ERP44: variants seen among roughly 807,000 people sequenced by gnomAD.
ERP44 encodes endoplasmic reticulum protein 44.
In ERP44, 25 loss-of-function variants were observed where a neutral mutation model predicts 53.4. The observed-to-expected ratio is 0.47, with a 90% CI of 0.34 to 0.65. ERP44 has a LOEUF of 0.65. ERP44 is among the 30% of genes least tolerant of loss of function. ERP44 has a pLI of 0.01. For synonymous variants in ERP44, 145 were observed against 161.2 expected (o/e 0.90, Z 0.76); for missense variants, 338 against 493.2 (o/e 0.69, Z 2.98).
intron 10 of ERP44, among the ~76,000 whole-genome samples, chr9:99,999,865 TG>T (rs1415569448): frequency 1.3e-5 from 2 of 152,190 alleles, no homozygotes; most frequent in African/African-American, 2.4e-5. Context: ...CGGGGCGAGA[TG>T]AGGGTCTAAT....
At chr9:100,046,999 C>G (rs1196259400) in intron 4 of ERP44, among the ~76,000 whole-genome samples, 1 of 152,182 alleles carries the variant, frequency 6.6e-6, no homozygotes, top group Non-Finnish European at 1.5e-5. Flanking sequence ...GATGCAATGA[C>G]AGTGAAGAAA....
intron 11 of ERP44, 93 bp from the exon 12 acceptor site, chr9:99,982,806 A>G (rs1345412822): frequency 1.7e-5 from 10 of 600,562 alleles, no homozygotes; most frequent in East Asian, 1.0e-4. Context: ...TAGTTCCCCT[A>G]TAATTATTTG....
intron 1 of ERP44, among the ~76,000 whole-genome samples, chr9:100,079,606 T>C (rs1353920502): frequency 1.3e-5 from 2 of 152,120 alleles, no homozygotes; most frequent in Non-Finnish European, 2.9e-5. Flanking sequence ...TATATTATAA[T>C]TTTTAATTTT....
chr9:99,982,207 G>C lies in ERP44; in HGVS notation c.*405C>G, dbSNP rs1216150486. Reference sequence around the variant, plus strand: ...GTATATCTCTTTAGCTTTGAGAAATGAGATACTGAAAATACCAACAGAATT... The same window carrying C: ...GTATATCTCTTTAGCTTTGAGAAATCAGATACTGAAAATACCAACAGAATT... On this transcript the variant is annotated 3_prime_UTR_variant, in exon 12 of 12. Transcript: ENST00000262455. 2 of 152,970 alleles carry C rather than the reference G, an allele frequency of 1.3e-5. No individual in the cohort carries two copies. The highest frequency in any genetic ancestry group is 2.4e-5 in the African/African-American group (1 of 41,428). The allele number at this position is 152,970 out of a possible 1,614,324, so 9.5% of individuals were successfully genotyped here. A position where few individuals can be genotyped will look rare whatever the true frequency, so the allele number is the denominator to read the frequency against.
chr9:100,093,972 T>G (rs1238275997), intron 1 of ERP44, among the ~76,000 whole-genome samples: 1 of 152,194 alleles, frequency 6.6e-6, no homozygotes, highest in African/African-American at 2.4e-5. Flanking sequence ...ATTTCAAATA[T>G]ACAGCAATAC....
intron 10 of ERP44, among the ~76,000 whole-genome samples, chr9:100,000,389 T>C (rs533643873): frequency 1.3e-5 from 2 of 150,666 alleles, no homozygotes; most frequent in South Asian, 2.1e-4. Flanking sequence ...TGAGTTATGA[T>C]TGCTCCACTG....
chr9:99,980,110 A>C lies in ERP44; in HGVS notation c.*2502T>G. ...CCTGAGAACACCTATTCATCTTTTT[A>C]AAGCTCAAAATAAAAATAATGTCCT... On this transcript the variant is annotated 3_prime_UTR_variant, in exon 12 of 12. Coordinates refer to ENST00000262455, the MANE Select transcript of ERP44 (RefSeq NM_015051.3). 1 of 398,458 alleles carries C rather than the reference A, an allele frequency of 2.5e-6. No homozygotes were observed. Among genetic ancestry groups the C allele is most frequent in the Non-Finnish European group, 4.4e-6 (1 of 225,962 alleles). The allele number at this position is 398,458 out of a possible 1,614,324, so 24.7% of individuals were successfully genotyped here.
chr9:99,998,509 G>T lies in ERP44; in HGVS notation c.1016+7997C>A, dbSNP rs79529267. 853 of 716,360 alleles carry T rather than the reference G, an allele frequency of 1.2e-3. 5 individuals carry two copies. In the African/African-American group the frequency reaches 0.014, roughly 11 times the overall value. The allele number at this position is 716,360 out of a possible 1,614,324, so 44.4% of individuals were successfully genotyped here. A position where few individuals can be genotyped will look rare whatever the true frequency, so the allele number is the denominator to read the frequency against. ...CCACGGCCTCCCTCGGAGCCCCGCT[G>T]TCCCGGCTCCCCCATCTCTGCTAAT... On this transcript the variant is annotated intron_variant, in intron 10 of 11. Transcript: ENST00000262455.
intron 4 of ERP44, among the ~76,000 whole-genome samples, chr9:100,048,092 A>T (rs1243762916): frequency 6.6e-6 from 1 of 152,094 alleles, no homozygotes; most frequent in African/African-American, 2.4e-5. Flanking sequence ...AAAAACAGAA[A>T]ATAGAGCCCA....
At chr9:100,023,363 T>C (rs1185138633) in intron 4 of ERP44, among the ~76,000 whole-genome samples, 2 of 150,566 alleles carry the variant, frequency 1.3e-5, no homozygotes, top group African/African-American at 4.9e-5. Flanking sequence ...AGACTTGAGC[T>C]TATCCTACTT....
At chr9:100,079,206 A>G (rs1372426747) in intron 1 of ERP44, among the ~76,000 whole-genome samples, 4 of 152,190 alleles carry the variant, frequency 2.6e-5, no homozygotes, top group African/African-American at 4.8e-5. Flanking sequence ...GACATAAAGC[A>G]GGCAGAAAAA....
intron 1 of ERP44, among the ~76,000 whole-genome samples, chr9:100,075,162 T>C (rs1826342615): frequency 6.6e-6 from 1 of 152,234 alleles, no homozygotes; most frequent in Non-Finnish European, 1.5e-5. Context: ...TCTACTCTCC[T>C]ATCTGGCCTG....
intron 4 of ERP44, among the ~76,000 whole-genome samples, chr9:100,047,723 T>C (rs1248658264): frequency 2.6e-5 from 4 of 152,070 alleles, no homozygotes; most frequent in African/African-American, 9.7e-5. Context: ...AATGTAAAAA[T>C]ACATAAGATA....
chr9:100,076,362 C>T (rs561707010), intron 1 of ERP44, among the ~76,000 whole-genome samples: 67 of 152,214 alleles, frequency 4.4e-4, no homozygotes, highest in Non-Finnish European at 6.9e-4. Context: ...CTTCTCTTCC[C>T]CAACCTGCAC....
At chr9:100,086,652 T>C (rs183263999) in intron 1 of ERP44, among the ~76,000 whole-genome samples, 65 of 152,294 alleles carry the variant, frequency 4.3e-4, no homozygotes, top group African/African-American at 1.4e-3. Context: ...AAAACTGATA[T>C]TCAAAAAGAT....
chr9:100,020,844 G>A, intron 5 of ERP44, 113 bp from the exon 6 acceptor site: 1 of 594,570 alleles, frequency 1.7e-6, no homozygotes. Context: ...TTCAAATGAA[G>A]TATGACTATA....
rs1219154859 is a variant in ERP44, at chr9:100,048,287, C to A, written c.286+4130G>T. Among the ~76,000 whole-genome samples, 4 of 151,798 alleles carry A rather than the reference C, an allele frequency of 2.6e-5. No homozygotes were observed. In the East Asian group the frequency reaches 7.7e-4, roughly 29 times the overall value. ...TTATACATATGTTAACAAACCTGCACGTTGTGCACATGTACCCTAAAACTT... is the reference window on the plus strand; with the variant it reads ...TTATACATATGTTAACAAACCTGCAAGTTGTGCACATGTACCCTAAAACTT... On this transcript the variant is annotated intron_variant, in intron 4 of 11. Coordinates refer to ENST00000262455, the MANE Select transcript of ERP44 (RefSeq NM_015051.3).
chr9:100,049,291 G>C (rs988955745), intron 4 of ERP44, among the ~76,000 whole-genome samples: 1 of 152,088 alleles, frequency 6.6e-6, no homozygotes, highest in Non-Finnish European at 1.5e-5. Flanking sequence ...ATGCTACTTG[G>C]GGGGCTGTGG....
At chr9:100,059,402 T>C (rs1194713886) in intron 2 of ERP44, among the ~76,000 whole-genome samples, 1 of 152,106 alleles carries the variant, frequency 6.6e-6, no homozygotes, top group Non-Finnish European at 1.5e-5. Flanking sequence ...AAAAACTTAT[T>C]AGGCCAAGTG....
Sources: allele counts gnomAD v4.1 joint callset (sites outside exome capture counted in the v4.1 genomes callset), GRCh38; gene constraint gnomAD v4.1.1; transcripts MANE v1.5; gene names NCBI Gene and HGNC (gene_info 2026-07-23, HGNC 2026-07-21).